Variants in BACH2 observed in about 807,000 individuals in gnomAD.
The protein encoded by BACH2 is BACH transcriptional regulator 2, also known as transcription regulator protein BACH2.
In BACH2, 5 loss-of-function variants were observed where a neutral mutation model predicts 61.8. That is an observed-to-expected ratio of 0.08 (90% CI 0.04 to 0.17). The LOEUF (loss-of-function observed/expected upper bound fraction) is 0.17. BACH2 is among the 10% of genes least tolerant of loss of function. The pLI, the probability that BACH2 is intolerant of heterozygous loss-of-function variation, is 1.00. For missense variants in BACH2, 824 were observed against 1,091.1 expected, an observed-to-expected ratio of 0.76 and a Z score of 3.45; for synonymous variants, 446 against 440.1, an observed-to-expected ratio of 1.01 and a Z score of -0.17.
chr6:90,070,318 C>T (rs1393776688), intron 5 of BACH2, among the ~76,000 whole-genome samples: 1 of 152,300 alleles, frequency 6.6e-6, no homozygotes, highest in East Asian at 1.9e-4. Flanking sequence ...GCCACTCGCA[C>T]AGCTAGCAAG....
chr6:90,263,639 T>C (rs1196006941), intron 2 of BACH2, among the ~76,000 whole-genome samples: 1 of 152,220 alleles, frequency 6.6e-6, no homozygotes, highest in African/African-American at 2.4e-5. Context: ...CGCTGACTCC[T>C]GAAGCCTAAA....
chr6:90,271,006 G>C (rs908652493), intron 2 of BACH2, among the ~76,000 whole-genome samples: 16 of 152,240 alleles, frequency 1.1e-4, no homozygotes, highest in South Asian at 6.2e-4. Flanking sequence ...AATGGTGCTG[G>C]AATAATTGGC....
chr6:90,265,333 T>C (rs1367798314), intron 2 of BACH2, among the ~76,000 whole-genome samples: 2 of 152,194 alleles, frequency 1.3e-5, no homozygotes, highest in East Asian at 1.9e-4. Flanking sequence ...CAAAATAGGA[T>C]ACTAAACCAC....
chr6:89,997,005 G>GCACACA lies in BACH2; in HGVS notation c.243+11591_243+11596dup, dbSNP rs60037899. 3.5e-3 allele frequency among the ~76,000 whole-genome samples: 523 copies of GCACACA among 149,618 alleles called. 1 individual carries two copies. Among genetic ancestry groups the GCACACA allele is most frequent in the Middle Eastern group, 0.017 (5 of 288 alleles). ...ATCTGGTTTAAGCACATGCACACGGGCACACACACACACACACACACACAC... is the reference window on the plus strand; with the variant it reads ...ATCTGGTTTAAGCACATGCACACGGGCACACACACACACACACACACACACACACAC... On this transcript the variant is annotated intron_variant, in intron 6 of 8. Coordinates refer to ENST00000257749, the MANE Select transcript of BACH2 (RefSeq NM_021813.4).
At chr6:90,145,605 C>T (rs1031552018) in intron 4 of BACH2, among the ~76,000 whole-genome samples, 5 of 152,150 alleles carry the variant, frequency 3.3e-5, no homozygotes, top group Non-Finnish European at 5.9e-5. Flanking sequence ...GAAGCTCCCT[C>T]GAGGGTCTCT....
At chr6:90,230,901 T>C (rs1430339011) in intron 3 of BACH2, among the ~76,000 whole-genome samples, 1 of 152,184 alleles carries the variant, frequency 6.6e-6, no homozygotes, top group Non-Finnish European at 1.5e-5. Flanking sequence ...GTTGCTTCCA[T>C]TGATCATCCC....
intron 4 of BACH2, among the ~76,000 whole-genome samples, chr6:90,179,255 T>C (rs138513644): frequency 6.6e-6 from 1 of 152,252 alleles, no homozygotes; most frequent in African/African-American, 2.4e-5. Context: ...TAATGAAATG[T>C]ATCCATCTGT....
intron 4 of BACH2, among the ~76,000 whole-genome samples, chr6:90,131,215 T>C (rs758984792): frequency 1.3e-5 from 2 of 152,222 alleles, no homozygotes; most frequent in Admixed American, 6.5e-5. Context: ...TTCTGTGACA[T>C]GTGGATGAGA....
chr6:90,171,169 G>C (rs897257084), intron 4 of BACH2, among the ~76,000 whole-genome samples: 1 of 152,126 alleles, frequency 6.6e-6, no homozygotes, highest in Non-Finnish European at 1.5e-5. Context: ...CCAGCACTTT[G>C]GGAGGCCGAG....
At position 89,928,482 on chromosome 6, in the gene BACH2, T is replaced by C. The variant is rs1370380644; in HGVS notation, c.*3926A>G. 6.6e-6 allele frequency: 1 copy of C among 152,352 alleles called. No individual in the cohort carries two copies. Among genetic ancestry groups the C allele is most frequent in the Admixed American group, 6.5e-5 (1 of 15,278 alleles). The allele number at this position is 152,352 out of a possible 1,614,324, so 9.4% of individuals were successfully genotyped here. ...TCTTTTTCTTCTTCTTTGATGGCAA[T>C]CATAAAATATTAAAAGAGAAAATGT... On this transcript the variant is annotated 3_prime_UTR_variant, in exon 9 of 9. Transcript: ENST00000257749.
chr6:89,991,498 T>C (rs750594978), intron 6 of BACH2, among the ~76,000 whole-genome samples: 7 of 151,666 alleles, frequency 4.6e-5, no homozygotes, highest in South Asian at 4.2e-4. Flanking sequence ...CACACACACA[T>C]GCATATGTTT....
chr6:90,277,569 G>GT (rs1771733754), intron 1 of BACH2, among the ~76,000 whole-genome samples: 1 of 152,172 alleles, frequency 6.6e-6, no homozygotes, highest in South Asian at 2.1e-4. Context: ...ACAACAGCGT[G>GT]TTCACTTTAT....
intron 4 of BACH2, among the ~76,000 whole-genome samples, chr6:90,146,440 G>A (rs1370304524): frequency 2.0e-5 from 3 of 152,164 alleles, no homozygotes; most frequent in Non-Finnish European, 4.4e-5. Context: ...TATTCTATAC[G>A]ATTCTGAGGC....
intron 6 of BACH2, among the ~76,000 whole-genome samples, chr6:89,989,178 C>T (rs1776401450): frequency 2.0e-5 from 3 of 152,196 alleles, no homozygotes; most frequent in Non-Finnish European, 4.4e-5. Flanking sequence ...ACAAATATTT[C>T]ATGTGACCTA....
intron 4 of BACH2, among the ~76,000 whole-genome samples, chr6:90,166,772 T>C (rs1767633843): frequency 6.6e-6 from 1 of 152,068 alleles, no homozygotes; most frequent in Admixed American, 6.6e-5. Flanking sequence ...GGATGGAAGC[T>C]GGAAACCATC....
intron 1 of BACH2, among the ~76,000 whole-genome samples, chr6:90,279,711 T>C (rs1337262898): frequency 6.6e-6 from 1 of 152,114 alleles, no homozygotes; most frequent in African/African-American, 2.4e-5. Context: ...TTAAAGAACA[T>C]CTATTCATGA....
chr6:89,928,375 C>T lies in BACH2; in HGVS notation c.*4033G>A, dbSNP rs1772462115. 6.6e-6 allele frequency: 1 copy of T among 152,334 alleles called. No homozygotes were observed. 9.4% of individuals were successfully genotyped at this position (152,334 alleles called of 1,614,324 possible). A position where few individuals can be genotyped will look rare whatever the true frequency, so the allele number is the denominator to read the frequency against. ...TCATTTTGAGAGGATTATGCTACTC[C>T]ACAGGATGTCAAGCAGCTTCACGGG... On this transcript the variant is annotated 3_prime_UTR_variant, in exon 9 of 9. Coordinates refer to ENST00000257749, the MANE Select transcript of BACH2 (RefSeq NM_021813.4).
At chr6:90,045,476 TACA>T (rs1199557613) in intron 5 of BACH2, among the ~76,000 whole-genome samples, 1 of 152,168 alleles carries the variant, frequency 6.6e-6, no homozygotes, top group Non-Finnish European at 1.5e-5. Flanking sequence ...AGATCACAAA[TACA>T]ACATCTGTAA....
chr6:90,101,479 T>C (rs1317022338), intron 4 of BACH2, among the ~76,000 whole-genome samples: 1 of 152,232 alleles, frequency 6.6e-6, no homozygotes, highest in Admixed American at 6.5e-5. Flanking sequence ...CCTGGCACTA[T>C]ATGTTGAAAA....
Sources: gnomAD v4.1 joint callset for allele counts (sites outside exome capture counted in the v4.1 genomes callset) on GRCh38, gnomAD v4.1.1 for gene constraint, MANE v1.5 for transcripts, NCBI Gene and HGNC (gene_info 2026-07-23, HGNC 2026-07-21) for gene names.